Variants in CLSTN2 observed in about 807,000 individuals in gnomAD.
CLSTN2 encodes calsyntenin 2, also known as calsyntenin-2.
CLSTN2 carries 48 observed loss-of-function variants against 101.2 expected under a neutral mutation model. The observed-to-expected ratio is 0.47, with a 90% CI of 0.38 to 0.60. CLSTN2 has a LOEUF of 0.60. Ranked by LOEUF, CLSTN2 falls within the 20% of genes least tolerant of loss-of-function variation. The probability of loss-of-function intolerance (pLI) is 0.00; values close to 1 mark genes in which losing one functional copy is unlikely to be tolerated. For synonymous variants in CLSTN2, 481 were observed against 463.6 expected, an observed-to-expected ratio of 1.04 and a Z score of -0.48; for missense variants, 1,160 against 1,238.2, an observed-to-expected ratio of 0.94 and a Z score of 0.95.
chr3:140,143,465 G>C (rs1384245639), intron 1 of CLSTN2, among the ~76,000 whole-genome samples: 1 of 152,196 alleles, frequency 6.6e-6, no homozygotes, highest in African/African-American at 2.4e-5. Flanking sequence ...GAAAATGCCT[G>C]TCCACATTGT....
intron 1 of CLSTN2, among the ~76,000 whole-genome samples, chr3:140,127,299 G>C (rs890879380): frequency 6.6e-6 from 1 of 152,144 alleles, no homozygotes; most frequent in Non-Finnish European, 1.5e-5. Context: ...TCACCTGTTA[G>C]ATAGCAATAA....
At chr3:140,409,231 C>T (rs1349612529) in intron 4 of CLSTN2, among the ~76,000 whole-genome samples, 1 of 152,202 alleles carries the variant, frequency 6.6e-6, no homozygotes, top group Non-Finnish European at 1.5e-5. Context: ...CCAGCCCTAA[C>T]CATTAAGTGC....
At chr3:140,317,735 A>G (rs915603314) in intron 2 of CLSTN2, among the ~76,000 whole-genome samples, 11 of 152,344 alleles carry the variant, frequency 7.2e-5, no homozygotes, top group South Asian at 2.1e-4. Context: ...ATTGGAATTC[A>G]TATTAAAGAT....
At chr3:140,152,337 C>T (rs78785020) in intron 1 of CLSTN2, among the ~76,000 whole-genome samples, 9,884 of 152,046 alleles carry the variant, frequency 0.065, 447 homozygotes, top group East Asian at 0.11. Context: ...GTTCTCTCTT[C>T]CTGGAACATT....
At chr3:140,405,096 G>A (rs2088287899) in intron 4 of CLSTN2, among the ~76,000 whole-genome samples, 1 of 152,156 alleles carries the variant, frequency 6.6e-6, no homozygotes, top group Non-Finnish European at 1.5e-5. Flanking sequence ...TGTGAGCCAT[G>A]CCATCAGCTT....
intron 1 of CLSTN2, among the ~76,000 whole-genome samples, chr3:140,016,422 G>A (rs973472111): frequency 1.3e-5 from 2 of 152,126 alleles, no homozygotes; most frequent in Non-Finnish European, 2.9e-5. Flanking sequence ...TGAATAACAT[G>A]GATTTGAACA....
chr3:140,537,928 C>T (rs1559898102), intron 9 of CLSTN2, among the ~76,000 whole-genome samples: 1 of 152,166 alleles, frequency 6.6e-6, no homozygotes, highest in African/African-American at 2.4e-5. Context: ...CTTAAGGGAG[C>T]CCTGGGGTTT....
chr3:140,526,239 C>T (rs1259890152), intron 8 of CLSTN2, among the ~76,000 whole-genome samples: 2 of 151,730 alleles, frequency 1.3e-5, no homozygotes, highest in African/African-American at 2.4e-5. Flanking sequence ...AATTAATGTA[C>T]AAAAATTAGT....
At chr3:140,349,092 A>T (rs1413211909) in intron 2 of CLSTN2, among the ~76,000 whole-genome samples, 8 of 152,140 alleles carry the variant, frequency 5.3e-5, no homozygotes, top group Non-Finnish European at 1.2e-4. Flanking sequence ...ATAGTGAGCG[A>T]GTTCTTATGA....
At chr3:140,304,117 G>A (rs752297625) in intron 2 of CLSTN2, among the ~76,000 whole-genome samples, 34 of 152,208 alleles carry the variant, frequency 2.2e-4, no homozygotes, top group Admixed American at 6.5e-4. Flanking sequence ...ACTCGCAGTG[G>A]GAAGATGAAA....
chr3:140,200,546 A>G (rs74450110), intron 2 of CLSTN2, among the ~76,000 whole-genome samples: 1 of 152,200 alleles, frequency 6.6e-6, no homozygotes, highest in South Asian at 2.1e-4. Context: ...AGTTGTGAAA[A>G]AAATATGCCA....
At chr3:140,042,766 A>G (rs563815024) in intron 1 of CLSTN2, among the ~76,000 whole-genome samples, 5 of 152,268 alleles carry the variant, frequency 3.3e-5, no homozygotes, top group Non-Finnish European at 5.9e-5. Flanking sequence ...GAGTGAGAAC[A>G]TGTGGTGTTT....
chr3:140,451,443 T>C (rs1006253476), intron 6 of CLSTN2, among the ~76,000 whole-genome samples: 1 of 152,082 alleles, frequency 6.6e-6, no homozygotes, highest in Non-Finnish European at 1.5e-5. Context: ...AGCTGCCCTT[T>C]GAAGGAGAGA....
chr3:140,181,382 T>A (rs571667831), intron 2 of CLSTN2, among the ~76,000 whole-genome samples: 1 of 143,130 alleles, frequency 7.0e-6, no homozygotes, highest in Non-Finnish European at 1.6e-5. Context: ...AAGCCACAAG[T>A]GTTTGATTCA....
At chr3:140,390,541 C>T (rs1268103602) in intron 2 of CLSTN2, among the ~76,000 whole-genome samples, 3 of 152,246 alleles carry the variant, frequency 2.0e-5, no homozygotes, top group South Asian at 2.1e-4. Flanking sequence ...ATGAACATAA[C>T]ATGTGAGATA....
At chr3:140,093,543 T>A (rs1487888216) in intron 1 of CLSTN2, among the ~76,000 whole-genome samples, 2 of 152,186 alleles carry the variant, frequency 1.3e-5, no homozygotes, top group African/African-American at 4.8e-5. Flanking sequence ...TGTCCCCTAA[T>A]GCCAGTGACT....
chr3:140,488,390 C>T (rs1934279589), intron 8 of CLSTN2, among the ~76,000 whole-genome samples: 1 of 152,036 alleles, frequency 6.6e-6, no homozygotes, highest in Non-Finnish European at 1.5e-5. Context: ...CTTCTCTGAG[C>T]CTTAGTATCC....
intron 1 of CLSTN2, among the ~76,000 whole-genome samples, chr3:139,983,897 C>T (rs1284752529): frequency 6.6e-6 from 1 of 152,114 alleles, no homozygotes; most frequent in African/African-American, 2.4e-5. Flanking sequence ...TAGTCTAATG[C>T]TTCTAAAAAT....
intron 1 of CLSTN2, among the ~76,000 whole-genome samples, chr3:140,093,369 C>T (rs955450535): frequency 6.6e-6 from 1 of 152,168 alleles, no homozygotes; most frequent in Non-Finnish European, 1.5e-5. Flanking sequence ...AAGGTGTCCT[C>T]ACTGCCTTCT....
Sources: allele counts gnomAD v4.1 joint callset (sites outside exome capture counted in the v4.1 genomes callset), GRCh38; gene constraint gnomAD v4.1.1; transcripts MANE v1.5; gene names NCBI Gene and HGNC (gene_info 2026-07-23, HGNC 2026-07-21).